The following EIF3B variants were observed in gnomAD, a reference collection of about 807,000 sequenced individuals.
EIF3B encodes eukaryotic translation initiation factor 3 subunit 9.
EIF3B carries 10 observed loss-of-function variants against 104.6 expected under a neutral mutation model. That is an observed-to-expected ratio of 0.10 (90% CI 0.06 to 0.16). EIF3B has a LOEUF of 0.16. Ranked by LOEUF, EIF3B falls within the 10% of genes least tolerant of loss-of-function variation. The pLI, the probability that EIF3B is intolerant of heterozygous loss-of-function variation, is 1.00. For synonymous variants in EIF3B, 542 were observed against 417.2 expected, an observed-to-expected ratio of 1.30 and a Z score of -3.65; for missense variants, 1,014 against 1,087.9, an observed-to-expected ratio of 0.93 and a Z score of 0.96.
At chr7:2,365,364 T>C (rs1395568086) in intron 6 of EIF3B, among the ~76,000 whole-genome samples, 3 of 152,088 alleles carry the variant, frequency 2.0e-5, no homozygotes, top group African/African-American at 7.2e-5. Flanking sequence ...GGGACAGTTG[T>C]GGAAGGCAGT....
At chr7:2,371,615 C>T (rs1244195882) in intron 10 of EIF3B, among the ~76,000 whole-genome samples, 162 bp from the exon 11 acceptor site, 11 of 152,200 alleles carry the variant, frequency 7.2e-5, no homozygotes, top group Non-Finnish European at 1.3e-4. Context: ...GCCTTAGAAC[C>T]GTCTTCCATC....
intron 6 of EIF3B, among the ~76,000 whole-genome samples, chr7:2,365,254 C>T (rs138531243): frequency 3.9e-5 from 6 of 152,254 alleles, no homozygotes; most frequent in South Asian, 2.1e-4. Context: ...CTGGCCGAGC[C>T]GTGATTTTTG....
chr7:2,377,047 C>T lies in EIF3B; in HGVS notation c.2126C>T (p.Pro709Leu), dbSNP rs149974474. Residue 709 changes from proline (P) to leucine (L), a missense_variant, in exon 15 of 19, where the codon CCC becomes CTC. Transcript: ENST00000360876. ...CAGCTGCTGTGGCGGCCCCGGCCTC[C>T]CACACTCCTGAGCCAGGAACAGATC... is the stretch of plus-strand genomic sequence containing the variant. ...FCQLLWRPRP[P>L]TLLSQEQIKQ... The T allele has an allele frequency of 7.4e-6, 12 of 1,613,538 alleles. No individual in the cohort carries two copies. In the African/African-American group the frequency reaches 1.6e-4, roughly 22 times the overall value.
intron 2 of EIF3B, 42 bp from the exon 3 acceptor site, chr7:2,362,603 C>G (rs774972775): frequency 1.2e-6 from 2 of 1,612,564 alleles, no homozygotes; most frequent in Non-Finnish European, 1.7e-6. Context: ...ACCTGCCTAG[C>G]CTTACAGTGT....
At chr7:2,360,015 G>A (rs998702403) in intron 1 of EIF3B, among the ~76,000 whole-genome samples, 4 of 152,184 alleles carry the variant, frequency 2.6e-5, no homozygotes, top group Admixed American at 2.6e-4. Flanking sequence ...GGTGGGCTCT[G>A]CAGCGGAGAG....
rs765240135 is a variant in EIF3B, at chr7:2,379,504, G to A, written c.*7G>A. ...CCTCGGGAATCAGGAGTGACCTGGA[G>A]CACTGTGGTGAGCGTCTGCAGGGGG... On this transcript the variant is annotated 3_prime_UTR_variant, in exon 18 of 19. Coordinates refer to ENST00000360876, the MANE Select transcript of EIF3B (RefSeq NM_001037283.2). The A allele has an allele frequency of 3.8e-6, 6 of 1,562,016 alleles. No homozygotes were observed. In the South Asian group the frequency reaches 4.7e-5, roughly 12 times the overall value.
intron 18 of EIF3B, 120 bp downstream of exon 18, chr7:2,379,631 A>T (rs1385346375): frequency 4.3e-6 from 3 of 705,580 alleles, no homozygotes; most frequent in Non-Finnish European, 7.3e-6. Context: ...CCCTAGTGTC[A>T]TGTGCCCAGG....
At chr7:2,372,404 A>G (rs915847594) in intron 11 of EIF3B, among the ~76,000 whole-genome samples, 2 of 152,274 alleles carry the variant, frequency 1.3e-5, no homozygotes, top group Non-Finnish European at 2.9e-5. Context: ...GCTGCTGACA[A>G]TGTCGGGCTC....
At chr7:2,377,470 AGG>A (rs1780697456) in intron 15 of EIF3B, among the ~76,000 whole-genome samples, 1 of 141,122 alleles carries the variant, frequency 7.1e-6, no homozygotes, top group African/African-American at 2.8e-5. Context: ...TGAAAGATGG[AGG>A]AAGGAGCAGG....
intron 1 of EIF3B, 49 bp from the exon 2 acceptor site, chr7:2,360,661 A>T: frequency 6.8e-7 from 1 of 1,461,590 alleles, no homozygotes; most frequent in Non-Finnish European, 9.4e-7. Flanking sequence ...TTAATGTATT[A>T]ATGTTTTTCT....
chr7:2,378,569 C>T (rs111330653), intron 15 of EIF3B, 120 bp from the exon 16 acceptor site: 2 of 828,674 alleles, frequency 2.4e-6, no homozygotes, highest in East Asian at 2.6e-5. Flanking sequence ...TGCGAGCGCT[C>T]CTGGGAAGCT....
At chr7:2,362,939 C>T (rs986404101) in intron 3 of EIF3B, 131 bp from the exon 4 acceptor site, 165 of 1,429,420 alleles carry the variant, frequency 1.2e-4, no homozygotes, top group Non-Finnish European at 1.5e-4. Flanking sequence ...CTACAGCACC[C>T]CTCCCTGTTA....
chr7:2,363,548 T>TCC (rs1779854457), intron 4 of EIF3B, 84 bp from the exon 5 acceptor site: 1 of 1,271,084 alleles, frequency 7.9e-7, no homozygotes. Context: ...GGACTGAACT[T>TCC]GTCATATCTT....
chr7:2,368,123 C>T (rs914562624), intron 9 of EIF3B, among the ~76,000 whole-genome samples: 17 of 151,694 alleles, frequency 1.1e-4, no homozygotes, highest in South Asian at 2.1e-4. Context: ...GGATTACTGG[C>T]GTGAGCCACC....
intron 17 of EIF3B, 46 bp downstream of exon 17, chr7:2,379,288 C>T (rs1397601048): frequency 1.9e-6 from 3 of 1,577,428 alleles, no homozygotes; most frequent in Non-Finnish European, 2.6e-6. Flanking sequence ...CCTTACGCTG[C>T]CCCTGGGCCC....
intron 7 of EIF3B, 35 bp from the exon 8 acceptor site, chr7:2,366,490 T>G: frequency 6.2e-7 from 1 of 1,614,140 alleles, no homozygotes; most frequent in South Asian, 1.1e-5. Flanking sequence ...CTTTGTCTTT[T>G]CATGGGAATA....
chr7:2,372,576 A>C, intron 11 of EIF3B, 97 bp from the exon 12 acceptor site: 1 of 1,442,038 alleles, frequency 6.9e-7, no homozygotes, highest in Non-Finnish European at 9.4e-7. Context: ...ACGTCGGGGG[A>C]TATTTCTCTG....
At chr7:2,371,205 C>A (rs1780322850) in intron 10 of EIF3B, among the ~76,000 whole-genome samples, 1 of 152,250 alleles carries the variant, frequency 6.6e-6, no homozygotes, top group Non-Finnish European at 1.5e-5. Flanking sequence ...GATACTATGC[C>A]ACCTTCTGTG....
At chr7:2,372,650 G>A (rs923448413) in intron 11 of EIF3B, 23 bp from the exon 12 acceptor site, 3 of 1,609,756 alleles carry the variant, frequency 1.9e-6, no homozygotes, top group Non-Finnish European at 2.5e-6. Context: ...CAAAAAGGGA[G>A]GGGTCTGTTT....
Sources: allele counts gnomAD v4.1 joint callset (sites outside exome capture counted in the v4.1 genomes callset), GRCh38; gene constraint gnomAD v4.1.1; transcripts MANE v1.5; gene names NCBI Gene and HGNC (gene_info 2026-07-23, HGNC 2026-07-21).